ARB2A: variants seen among roughly 807,000 people sequenced by gnomAD.
ARB2A encodes the protein ARB2 cotranscriptional regulator A.
At chr5:93,888,725 A>T in the ARB2A span, among the ~76,000 whole-genome samples, 2 of 151,834 alleles carry the variant, frequency 1.3e-5, no homozygotes, top group Non-Finnish European at 2.9e-5. Context: ...ACAGTACCCA[A>T]ATTATTCTAT....
the ARB2A span, among the ~76,000 whole-genome samples, chr5:93,970,456 T>C: frequency 6.6e-6 from 1 of 152,136 alleles, no homozygotes. Context: ...TTTTTAAAAG[T>C]TTTTAAACAT....
the ARB2A span, among the ~76,000 whole-genome samples, chr5:93,954,348 A>G: frequency 1.3e-5 from 2 of 151,810 alleles, no homozygotes; most frequent in African/African-American, 4.8e-5. Context: ...GAATCCTGCA[A>G]TGACTGGGTC....
chr5:93,898,679 T>G, the ARB2A span, among the ~76,000 whole-genome samples: 1 of 152,116 alleles, frequency 6.6e-6, no homozygotes, highest in Non-Finnish European at 1.5e-5. Flanking sequence ...TATTCTCAAG[T>G]AATTTTAACA....
the ARB2A span, among the ~76,000 whole-genome samples, chr5:93,801,679 CTG>C: frequency 6.6e-6 from 1 of 152,224 alleles, no homozygotes; most frequent in African/African-American, 2.4e-5. Context: ...TGCACACACA[CTG>C]TACACAGACT....
the ARB2A span, among the ~76,000 whole-genome samples, chr5:93,868,359 A>T: frequency 6.6e-6 from 1 of 152,124 alleles, no homozygotes; most frequent in African/African-American, 2.4e-5. Context: ...TCTATTAGGG[A>T]AACACTCAAG....
chr5:94,068,512 G>A, the ARB2A span, among the ~76,000 whole-genome samples: 1 of 152,222 alleles, frequency 6.6e-6, no homozygotes, highest in Non-Finnish European at 1.5e-5. Flanking sequence ...CATAAAATGG[G>A]AGGGGACCCA....
the ARB2A span, among the ~76,000 whole-genome samples, chr5:93,933,700 C>T: frequency 6.6e-6 from 1 of 151,928 alleles, no homozygotes; most frequent in Non-Finnish European, 1.5e-5. Flanking sequence ...ATACCTAATG[C>T]AGATGACAGG....
chr5:93,873,233 A>T, the ARB2A span, among the ~76,000 whole-genome samples: 1 of 149,534 alleles, frequency 6.7e-6, no homozygotes, highest in Non-Finnish European at 1.5e-5. Flanking sequence ...TCTACACTAC[A>T]GTGAGTTATG....
the ARB2A span, among the ~76,000 whole-genome samples, chr5:93,880,115 T>C: frequency 1.3e-5 from 2 of 151,752 alleles, no homozygotes; most frequent in Non-Finnish European, 3.0e-5. Context: ...ATAATAAGCG[T>C]TCTTGCTTTT....
chr5:93,861,069 A>T, the ARB2A span: 2 of 152,220 alleles, frequency 1.3e-5, no homozygotes, highest in Admixed American at 1.3e-4. Flanking sequence ...ATGTATAAGC[A>T]ACTAAGCAAA....
chr5:94,007,000 G>A, the ARB2A span, among the ~76,000 whole-genome samples: 12 of 152,188 alleles, frequency 7.9e-5, no homozygotes, highest in South Asian at 2.3e-3. Flanking sequence ...TTCAATTATA[G>A]AAACATTTAT....
At chr5:93,864,208 C>A in the ARB2A span, among the ~76,000 whole-genome samples, 1 of 151,860 alleles carries the variant, frequency 6.6e-6, no homozygotes, top group African/African-American at 2.4e-5. Flanking sequence ...ACTGTAAAAC[C>A]TTATTAAAAG....
chr5:93,800,336 A>T, the ARB2A span, among the ~76,000 whole-genome samples: 1 of 151,648 alleles, frequency 6.6e-6, no homozygotes, highest in African/African-American at 2.4e-5. Context: ...TTAAAAATCA[A>T]TACCTTTAGC....
At chr5:93,915,644 C>G in the ARB2A span, among the ~76,000 whole-genome samples, 1 of 151,798 alleles carries the variant, frequency 6.6e-6, no homozygotes, top group Non-Finnish European at 1.5e-5. Context: ...ACATATGAAA[C>G]CCAAATATCT....
the ARB2A span, among the ~76,000 whole-genome samples, chr5:93,751,153 C>CT: frequency 0.19 from 27,991 of 146,658 alleles, 2,947 homozygotes; most frequent in Middle Eastern, 0.28. Flanking sequence ...TTTGCCCCAA[C>CT]TTTTTTTTTT....
the ARB2A span, among the ~76,000 whole-genome samples, chr5:94,068,420 C>T: frequency 4.6e-5 from 7 of 152,144 alleles, no homozygotes; most frequent in Admixed American, 6.5e-5. Context: ...GGATGGGGAG[C>T]GAAAGCTCAG....
the ARB2A span, among the ~76,000 whole-genome samples, chr5:93,835,696 C>T: frequency 7.9e-5 from 12 of 152,132 alleles, no homozygotes; most frequent in African/African-American, 2.2e-4. Flanking sequence ...GTTATGTCCA[C>T]GTCATATAAA....
At chr5:93,819,047 A>G in the ARB2A span, among the ~76,000 whole-genome samples, 2 of 151,512 alleles carry the variant, frequency 1.3e-5, no homozygotes, top group Non-Finnish European at 2.9e-5. Context: ...TTAGCCGGGC[A>G]TGGTGGCGCG....
chr5:94,097,129 T>A, the ARB2A span, among the ~76,000 whole-genome samples: 1 of 152,184 alleles, frequency 6.6e-6, no homozygotes, highest in Non-Finnish European at 1.5e-5. Context: ...ATCATGCTCC[T>A]CTACGCGGCT....
Sources: gnomAD v4.1 joint callset for allele counts (sites outside exome capture counted in the v4.1 genomes callset) on GRCh38, gnomAD v4.1.1 for gene constraint, MANE v1.5 for transcripts, NCBI Gene and HGNC (gene_info 2026-07-23, HGNC 2026-07-21) for gene names.